The following SSBP3 variants were observed in gnomAD, a reference collection of about 807,000 sequenced individuals.
SSBP3 encodes single stranded DNA binding protein 3, also known as single-stranded DNA-binding protein 3.
In SSBP3, 5 loss-of-function variants were observed where a neutral mutation model predicts 69.6. The ratio of observed to expected loss-of-function variants is 0.07; its 90% CI spans 0.04 to 0.15. SSBP3 has a LOEUF of 0.15. Among genes scored for constraint, SSBP3 ranks in the 10% least tolerant of loss-of-function variants. The pLI is 1.00. For synonymous variants in SSBP3, 196 were observed against 193.4 expected (o/e 1.01, Z -0.11); for missense variants, 312 against 534.0 (o/e 0.58, Z 4.10).
At chr1:54,383,058 GAAAGAAAGA>G (rs200312410) in intron 4 of SSBP3, among the ~76,000 whole-genome samples, 17,143 of 149,402 alleles carry the variant, frequency 0.11, 1,087 homozygotes, top group East Asian at 0.28. Context: ...AGGAAGGAAG[GAAAGAAAGA>G]AAAGAAAGAA....
At chr1:54,233,645 G>A (rs1644429700) in intron 14 of SSBP3, among the ~76,000 whole-genome samples, 1 of 145,374 alleles carries the variant, frequency 6.9e-6, no homozygotes, top group Admixed American at 6.8e-5. Context: ...GGGCGCCTCT[G>A]CCCGGCCGCC....
At chr1:54,288,528 G>C (rs1420339756) in intron 4 of SSBP3, among the ~76,000 whole-genome samples, 1 of 148,464 alleles carries the variant, frequency 6.7e-6, no homozygotes, top group East Asian at 2.0e-4. Flanking sequence ...ACCCTGGAAT[G>C]CAAGAGGGGC....
At chr1:54,252,297 A>G (rs1462521550) in intron 7 of SSBP3, among the ~76,000 whole-genome samples, 1 of 152,132 alleles carries the variant, frequency 6.6e-6, no homozygotes, top group East Asian at 1.9e-4. Context: ...TTTTAGCTCT[A>G]CTTCCAAATT....
chr1:54,386,390 ACAT>A (rs1210122781), intron 4 of SSBP3, among the ~76,000 whole-genome samples: 1 of 152,186 alleles, frequency 6.6e-6, no homozygotes, highest in Non-Finnish European at 1.5e-5. Flanking sequence ...GGAGCGGTCC[ACAT>A]CATCAACTCC....
chr1:54,297,702 G>A (rs1645726770), intron 4 of SSBP3, among the ~76,000 whole-genome samples: 1 of 152,194 alleles, frequency 6.6e-6, no homozygotes, highest in Admixed American at 6.5e-5. Context: ...GATAATCAAA[G>A]GAGCTGGGAA....
At chr1:54,278,139 A>G in intron 5 of SSBP3, among the ~76,000 whole-genome samples, 1 of 152,034 alleles carries the variant, frequency 6.6e-6, no homozygotes, top group South Asian at 2.1e-4. Flanking sequence ...GCTGCAAAAC[A>G]CCAGAACACC....
chr1:54,234,357 A>T (rs937245438), intron 14 of SSBP3, among the ~76,000 whole-genome samples: 1 of 55,870 alleles, frequency 1.8e-5, no homozygotes, highest in Non-Finnish European at 4.0e-5. Context: ...AAAATAAATT[A>T]AAAAAAATAA....
At chr1:54,234,854 C>T (rs1644458686) in intron 14 of SSBP3, among the ~76,000 whole-genome samples, 1 of 152,028 alleles carries the variant, frequency 6.6e-6, no homozygotes, top group African/African-American at 2.4e-5. Flanking sequence ...GCCTTAAATT[C>T]CTAAGCTCAA....
chr1:54,235,821 T>G (rs1017463016), intron 14 of SSBP3, among the ~76,000 whole-genome samples: 2 of 152,220 alleles, frequency 1.3e-5, no homozygotes, highest in Non-Finnish European at 2.9e-5. Flanking sequence ...AAAATGATTT[T>G]AAAGCACAGA....
chr1:54,274,913 C>A (rs1291134702), intron 5 of SSBP3, among the ~76,000 whole-genome samples: 1 of 152,054 alleles, frequency 6.6e-6, no homozygotes, highest in Non-Finnish European at 1.5e-5. Flanking sequence ...GGCTCCCTCT[C>A]GCCTGGCACA....
chr1:54,404,726 TAAC>T, intron 2 of SSBP3, 89 bp from the exon 3 acceptor site: 1 of 1,441,538 alleles, frequency 6.9e-7, no homozygotes, highest in Non-Finnish European at 9.6e-7. Flanking sequence ...GAAGACCAAC[TAAC>T]AATAAATGCC....
chr1:54,394,944 C>G (rs1317373573), intron 4 of SSBP3, among the ~76,000 whole-genome samples: 1 of 151,856 alleles, frequency 6.6e-6, no homozygotes, highest in Non-Finnish European at 1.5e-5. Flanking sequence ...AACTCGTGAT[C>G]CGCCAGCCTC....
At chr1:54,245,611 T>C (rs1191862468) in intron 9 of SSBP3, among the ~76,000 whole-genome samples, 1 of 152,012 alleles carries the variant, frequency 6.6e-6, no homozygotes, top group Admixed American at 6.5e-5. Flanking sequence ...ATGCAGATGA[T>C]CTCAGGAGCA....
intron 4 of SSBP3, among the ~76,000 whole-genome samples, chr1:54,294,152 A>G (rs1645657597): frequency 9.9e-6 from 1 of 100,512 alleles, no homozygotes; most frequent in East Asian, 2.3e-4. Flanking sequence ...CAAAAAAAAA[A>G]AAAAAAAAAA....
intron 4 of SSBP3, among the ~76,000 whole-genome samples, chr1:54,392,571 T>C (rs931020661): frequency 6.6e-6 from 1 of 152,254 alleles, no homozygotes; most frequent in Admixed American, 6.5e-5. Flanking sequence ...TCATGATGTA[T>C]TAATGGGTCA....
chr1:54,352,734 C>T (rs1646800467), intron 4 of SSBP3, among the ~76,000 whole-genome samples: 1 of 152,228 alleles, frequency 6.6e-6, no homozygotes, highest in African/African-American at 2.4e-5. Flanking sequence ...ATCATCAATG[C>T]TAACAGAAAC....
chr1:54,275,272 T>A (rs1402297133), intron 5 of SSBP3, among the ~76,000 whole-genome samples: 1 of 152,204 alleles, frequency 6.6e-6, no homozygotes, highest in Non-Finnish European at 1.5e-5. Flanking sequence ...CTTCACCATC[T>A]GTCAGATGGG....
intron 14 of SSBP3, chr1:54,238,401 C>T (rs1279612125): frequency 2.2e-6 from 1 of 453,226 alleles, no homozygotes; most frequent in East Asian, 7.1e-5. Context: ...AACAGGTTCA[C>T]CTGAGGCCTG....
At chr1:54,251,559 G>C (rs1278380881) in intron 9 of SSBP3, 57 bp downstream of exon 9, 2 of 1,508,488 alleles carry the variant, frequency 1.3e-6, no homozygotes, top group African/African-American at 1.4e-5. Flanking sequence ...AAACAGGAGA[G>C]AAGGCGGGTG....
Sources: allele counts gnomAD v4.1 joint callset (sites outside exome capture counted in the v4.1 genomes callset), GRCh38; gene constraint gnomAD v4.1.1; transcripts MANE v1.5; gene names NCBI Gene and HGNC (gene_info 2026-07-23, HGNC 2026-07-21).